The following KMT2E variants were observed in gnomAD, a reference collection of about 807,000 sequenced individuals.
KMT2E encodes histone reader KMT2E.
Under a neutral mutation model 184.6 loss-of-function variants are expected in KMT2E, and 30 were observed. The observed-to-expected ratio is 0.16, with a 90% confidence interval of 0.12 to 0.22. The LOEUF is 0.22. KMT2E is among the 10% of genes least tolerant of loss of function. The probability of loss-of-function intolerance (pLI) is 1.00; values close to 1 mark genes in which losing one functional copy is unlikely to be tolerated. For synonymous variants in KMT2E, 815 were observed against 776.5 expected (o/e 1.05, Z -0.82); for missense variants, 2,023 against 2,237.4 (o/e 0.90, Z 1.93).
chr7:105,052,580 A>G (rs1447967667), intron 3 of KMT2E, among the ~76,000 whole-genome samples: 1 of 151,794 alleles, frequency 6.6e-6, no homozygotes, highest in Admixed American at 6.6e-5. Context: ...TATTTCTGAG[A>G]AGGAGTCTCA....
intron 1 of KMT2E, among the ~76,000 whole-genome samples, chr7:105,019,706 G>A (rs1404513117): frequency 1.3e-5 from 2 of 152,074 alleles, no homozygotes; most frequent in African/African-American, 2.4e-5. Context: ...TTATTTTTAC[G>A]ACAATTGGAC....
chr7:105,071,622 T>A (rs1416889393), intron 6 of KMT2E, among the ~76,000 whole-genome samples: 3 of 117,622 alleles, frequency 2.6e-5, no homozygotes, highest in Non-Finnish European at 3.7e-5. Context: ...TTTTTTTTTT[T>A]TTTTTTTTTT....
rs1795855601 is a variant in KMT2E at position 105,041,056 on chromosome 7, A to G, written c.71+33A>G. The stretch of plus-strand genomic sequence containing the variant: ...TTTAAATTGGTTACATAAGCAAAAA[A>G]AAAAAAAAAACCCTTCTGGAGCTAG... On this transcript the variant is annotated intron_variant, in intron 3 of 26. Transcript: ENST00000311117. 2.2e-6 allele frequency: 3 copies of G among 1,355,150 alleles called. No homozygotes were observed. In the East Asian group the frequency reaches 7.1e-5, roughly 32 times the overall value. 83.9% of individuals were successfully genotyped at this position (1,355,150 alleles called of 1,614,324 possible).
rs1378374458 is a variant in KMT2E, at chr7:105,062,033, C to T, written c.72-131C>T. The T allele has an allele frequency of 1.4e-5, 9 of 634,952 alleles. No individual in the cohort carries two copies. In the African/African-American group the frequency reaches 1.7e-4, roughly 12 times the overall value. 39.3% of individuals were successfully genotyped at this position (634,952 alleles called of 1,614,324 possible). A position where few individuals can be genotyped will look rare whatever the true frequency, so the allele number is the denominator to read the frequency against. On this transcript the variant is annotated intron_variant, in intron 3 of 26. Transcript: ENST00000311117. ...GGGATATATCTTATCTATAGTGTATCCACCTGCTGTAAGTAGATACTGTAT... is the reference window on the plus strand; with the variant it reads ...GGGATATATCTTATCTATAGTGTATTCACCTGCTGTAAGTAGATACTGTAT...
chr7:105,023,086 A>G (rs1188294338), intron 1 of KMT2E, among the ~76,000 whole-genome samples: 3 of 152,130 alleles, frequency 2.0e-5, no homozygotes, highest in Non-Finnish European at 4.4e-5. Flanking sequence ...TTTAGTCTTT[A>G]AAACTATTGC....
chr7:105,110,139 A>G, intron 23 of KMT2E, 141 bp from the exon 24 acceptor site: 1 of 697,100 alleles, frequency 1.4e-6, no homozygotes, highest in Admixed American at 2.6e-5. Context: ...TGCCAAGATT[A>G]ACTATTTTCA....
Position 105,113,444 on chromosome 7 carries a change from C to CTTT in KMT2E, c.*111_*112insTTT. 1.3e-5 allele frequency: 15 copies of CTTT among 1,152,318 alleles called. No homozygotes were observed. Among genetic ancestry groups the CTTT allele is most frequent in the Non-Finnish European group, 1.8e-5 (15 of 847,402 alleles). 71.4% of individuals were successfully genotyped at this position (1,152,318 alleles called of 1,614,324 possible). The stretch of plus-strand genomic sequence containing the variant: ...TGTACATGAACCTTTGTATAAAAAA[C>CTTT]ACCAGTGCTCTTTCGTTGTATTTTT... On this transcript the variant is annotated 3_prime_UTR_variant, in exon 27 of 27. Transcript: ENST00000311117.
chr7:105,073,582 G>A (rs765065959), intron 6 of KMT2E, 37 bp from the exon 7 acceptor site: 4 of 1,280,204 alleles, frequency 3.1e-6, no homozygotes, highest in Non-Finnish European at 2.3e-6. Flanking sequence ...TCTGCTTCAT[G>A]TATTTGATAA....
At chr7:105,096,261 A>C (rs1798408343) in intron 15 of KMT2E, among the ~76,000 whole-genome samples, 1 of 151,572 alleles carries the variant, frequency 6.6e-6, no homozygotes, top group Admixed American at 6.6e-5. Context: ...AAAAAAAAAA[A>C]AAAAAAAAAA....
rs1267650385 is a variant in KMT2E, at chr7:105,112,954, C to T, written c.5198C>T (p.Thr1733Ile). The change falls in exon 27 of 27, where the codon ACC becomes ATC. Residue 1733 changes from threonine to isoleucine, a missense_variant. This residue lies in a region of KMT2E where 1,108 missense variants were observed against 1,050.9 expected (regional missense o/e 1.05). Coordinates refer to ENST00000311117, the MANE Select transcript of KMT2E (RefSeq NM_182931.3). ...PSSVLASGHH[T>I]TSAQALHHPP... The stretch of plus-strand genomic sequence containing the variant: ...AGTGTTTTGGCTTCTGGGCATCATA[C>T]CACATCAGCTCAAGCCTTACACCAC... The T allele has an allele frequency of 1.2e-6, 2 of 1,613,924 alleles. No individual in the cohort carries two copies. The highest frequency in any genetic ancestry group is 2.2e-5 in the East Asian group (1 of 44,870).
At chr7:105,067,683 C>T (rs1797091127) in intron 6 of KMT2E, among the ~76,000 whole-genome samples, 1 of 152,070 alleles carries the variant, frequency 6.6e-6, no homozygotes, top group Non-Finnish European at 1.5e-5. Context: ...AAAATAATTA[C>T]AAACCGTCTG....
chr7:105,023,579 G>GGA, intron 1 of KMT2E, among the ~76,000 whole-genome samples: 1 of 151,476 alleles, frequency 6.6e-6, no homozygotes, highest in East Asian at 2.0e-4. Context: ...CTAGTAGCAG[G>GGA]GACTACAGGT....
At chr7:105,036,432 G>C (rs181657809) in intron 1 of KMT2E, among the ~76,000 whole-genome samples, 1 of 152,088 alleles carries the variant, frequency 6.6e-6, no homozygotes, top group Admixed American at 6.6e-5. Context: ...GCCTCCCAAA[G>C]TGCTGGGATT....
rs11330758 is a variant in KMT2E, at chr7:105,096,247, CAAA to C, written c.1722+4955_1722+4957del. 1.7e-3 allele frequency among the ~76,000 whole-genome samples: 116 copies of C among 69,258 alleles called. No individual in the cohort carries two copies. In the South Asian group the frequency reaches 0.021, roughly 13 times the overall value. The allele number at this position is 69,258 out of a possible 152,430, so 45.4% of individuals were successfully genotyped here. On this transcript the variant is annotated intron_variant, in intron 15 of 26. Coordinates refer to ENST00000311117, the MANE Select transcript of KMT2E (RefSeq NM_182931.3). Reference sequence around the variant, plus strand: ...CCAGCCTGGGTGACAGTGAAAGGCTCAAAAAAAAAAAAAAAAAAAAAAAAGACA... The same window carrying C: ...CCAGCCTGGGTGACAGTGAAAGGCTCAAAAAAAAAAAAAAAAAAAAAGACA...
At chr7:105,073,050 G>A (rs1471475823) in intron 6 of KMT2E, among the ~76,000 whole-genome samples, 1 of 145,620 alleles carries the variant, frequency 6.9e-6, no homozygotes, top group South Asian at 2.2e-4. Flanking sequence ...AACATTATGG[G>A]TTTTTTTTTT....
intron 3 of KMT2E, among the ~76,000 whole-genome samples, chr7:105,056,754 T>G (rs1337409527): frequency 6.6e-6 from 1 of 152,242 alleles, no homozygotes; most frequent in Non-Finnish European, 1.5e-5. Flanking sequence ...GAACAAATTC[T>G]GAACAAGTAA....
chr7:105,053,799 C>T (rs34202980), intron 3 of KMT2E, among the ~76,000 whole-genome samples: 28,817 of 152,042 alleles, frequency 0.19, 3,482 homozygotes, highest in East Asian at 0.58. Flanking sequence ...ACTCAAGCCC[C>T]GGGAGTTTGA....
intron 13 of KMT2E, among the ~76,000 whole-genome samples, chr7:105,084,888 A>G (rs1423457810): frequency 1.4e-4 from 21 of 152,166 alleles, no homozygotes; most frequent in Admixed American, 1.3e-4. Context: ...ATGTCTTTAC[A>G]TGACTGGAGT....
At chr7:105,030,497 A>G (rs1392562006) in intron 1 of KMT2E, among the ~76,000 whole-genome samples, 2 of 152,258 alleles carry the variant, frequency 1.3e-5, no homozygotes, top group African/African-American at 4.8e-5. Context: ...TAACCTGATA[A>G]AATGTCAACA....
Sources: gnomAD v4.1 joint callset for allele counts (sites outside exome capture counted in the v4.1 genomes callset) on GRCh38, gnomAD v4.1.1 for gene constraint, gnomAD v4.1.1 regional missense constraint, MANE v1.5 for transcripts, NCBI Gene and HGNC (gene_info 2026-07-23, HGNC 2026-07-21) for gene names.